The following SULT1B1 variants were observed in gnomAD, a reference collection of about 807,000 sequenced individuals.
SULT1B1 encodes the protein sulfotransferase 1B1.
In SULT1B1, 28 loss-of-function variants were observed where a neutral mutation model predicts 34.6. The observed-to-expected ratio is 0.81, with a 90% CI of 0.60 to 1.11. The LOEUF (loss-of-function observed/expected upper bound fraction) is 1.11, where lower values mean the gene tolerates loss of function less well. Among genes scored for constraint, SULT1B1 ranks in the 50% least tolerant of loss-of-function variants. The pLI, the probability that SULT1B1 is intolerant of heterozygous loss-of-function variation, is 0.00. For synonymous variants in SULT1B1, 147 were observed against 110.2 expected (o/e 1.33, Z -2.09); for missense variants, 374 against 352.2 (o/e 1.06, Z -0.50).
chr4:69,733,854 A>G (rs984667195), intron 5 of SULT1B1, among the ~76,000 whole-genome samples: 2 of 152,186 alleles, frequency 1.3e-5, no homozygotes, highest in Non-Finnish European at 2.9e-5. Context: ...CTAATTGCTT[A>G]AGCAAGTTAA....
intron 3 of SULT1B1, 90 bp downstream of exon 3, chr4:69,754,580 C>A: frequency 7.6e-7 from 1 of 1,319,134 alleles, no homozygotes. Context: ...ACCAAATCTA[C>A]TCCGGTTTCA....
rs1004889895 is a variant in SULT1B1 at position 69,723,287 on chromosome 4, A to C, written c.*3801T>G. The C allele has an allele frequency of 1.3e-5, 2 of 152,192 alleles. No homozygotes were observed. The highest frequency in any genetic ancestry group is 2.9e-5 in the Non-Finnish European group (2 of 68,030). The allele number at this position is 152,192 out of a possible 1,614,324, so 9.4% of individuals were successfully genotyped here. On this transcript the variant is annotated 3_prime_UTR_variant, in exon 8 of 8. Transcript: ENST00000310613. ...CTAGAAAATCTAGAAGAAATGGATA[A>C]ATTCCTCGACACATACACCCTCCCA... is the stretch of plus-strand genomic sequence containing the variant.
Position 69,724,648 on chromosome 4 carries a change from A to G in SULT1B1, c.*2440T>C, listed in dbSNP as rs1717752333. 3.3e-5 allele frequency: 5 copies of G among 152,338 alleles called. No individual in the cohort carries two copies. The South Asian group carries it at 1.0e-3, about 32-fold the overall frequency. The allele number at this position is 152,338 out of a possible 1,614,324, so 9.4% of individuals were successfully genotyped here. On this transcript the variant is annotated 3_prime_UTR_variant, in exon 8 of 8. Transcript: ENST00000310613. The stretch of plus-strand genomic sequence containing the variant: ...ACTACAAGGCTACAGTAACCAAAAC[A>G]GCATGGTACTGGACCAAAACAGAGA...
In SULT1B1 at chr4:69,723,667, C is replaced by G. The variant is rs1206485445; in HGVS notation, c.*3421G>C. ...CCGAATCCAGCAGCACATCAAAAAG[C>G]TTATCCACCATGATCAAGTGGGCTT... On this transcript the variant is annotated 3_prime_UTR_variant, in exon 8 of 8. Transcript: ENST00000310613. The G allele has an allele frequency of 6.6e-6, 1 of 152,160 alleles. No homozygotes were observed. Among genetic ancestry groups the G allele is most frequent in the African/African-American group, 2.4e-5 (1 of 41,440 alleles). The allele number at this position is 152,160 out of a possible 1,614,324, so 9.4% of individuals were successfully genotyped here.
In SULT1B1 at chr4:69,725,383, A is replaced by G. The variant is rs1473038254; in HGVS notation, c.*1705T>C. The G allele has an allele frequency of 8.5e-5, 13 of 152,078 alleles. 1 individual carries two copies. The South Asian group carries it at 1.7e-3, about 19-fold the overall frequency. The allele number at this position is 152,078 out of a possible 1,614,324, so 9.4% of individuals were successfully genotyped here. On this transcript the variant is annotated 3_prime_UTR_variant, in exon 8 of 8. Coordinates refer to ENST00000310613, the MANE Select transcript of SULT1B1 (RefSeq NM_014465.4). ...AAGTCAGGAAACAACAGGTGCTGGAAAGGATGTGGAGAAATAGGAACACTT... is the reference window on the plus strand; with the variant it reads ...AAGTCAGGAAACAACAGGTGCTGGAGAGGATGTGGAGAAATAGGAACACTT...
intron 4 of SULT1B1, among the ~76,000 whole-genome samples, chr4:69,740,770 T>C (rs1718515222): frequency 6.6e-6 from 1 of 152,244 alleles, no homozygotes; most frequent in Non-Finnish European, 1.5e-5. Flanking sequence ...TGCCAGTTTT[T>C]AATTGGGTTG....
At chr4:69,727,501 T>A (rs1278398975) in intron 7 of SULT1B1, among the ~76,000 whole-genome samples, 5 of 152,048 alleles carry the variant, frequency 3.3e-5, no homozygotes, top group Admixed American at 6.6e-5. Flanking sequence ...CCAAGAGTGA[T>A]AATTTTACTG....
intron 4 of SULT1B1, among the ~76,000 whole-genome samples, chr4:69,747,937 A>G (rs1336014547): frequency 1.3e-5 from 2 of 151,908 alleles, no homozygotes; most frequent in East Asian, 3.9e-4. Flanking sequence ...CTTTTATCCA[A>G]AGATTTTTTT....
intron 1 of SULT1B1, chr4:69,758,583 G>T: frequency 1.7e-6 from 1 of 578,488 alleles, no homozygotes; most frequent in Non-Finnish European, 2.2e-6. Flanking sequence ...ATCGGCTCCA[G>T]AATGTAATGT....
intron 1 of SULT1B1, chr4:69,758,310 T>G (rs1341722399): frequency 3.0e-6 from 3 of 985,314 alleles, no homozygotes; most frequent in Non-Finnish European, 3.6e-6. Context: ...TCACCCAGAA[T>G]CTTTTGATAT....
chr4:69,735,121 T>G (rs1416975425), intron 4 of SULT1B1, among the ~76,000 whole-genome samples: 2 of 152,144 alleles, frequency 1.3e-5, no homozygotes, highest in Non-Finnish European at 2.9e-5. Flanking sequence ...CCCGGCCTTT[T>G]GTATTCTTAA....
In SULT1B1 at chr4:69,735,912, C is replaced by G. The variant is rs148807644; in HGVS notation, c.376-1648G>C. Among the ~76,000 whole-genome samples the G allele has an allele frequency of 1.6e-3, 251 of 152,226 alleles. 1 individual carries two copies. The highest frequency in any genetic ancestry group is 5.5e-3 in the African/African-American group (229 of 41,542). On this transcript the variant is annotated intron_variant, in intron 4 of 7. Transcript: ENST00000310613. ...AAAATCAGGTGAGCACTCACAGTAC[C>G]TAGTTTTAACTTCATATCACTAAAA...
Position 69,724,864 on chromosome 4 carries a change from A to G in SULT1B1, c.*2224T>C, listed in dbSNP as rs1380992956. The G allele has an allele frequency of 1.3e-5, 2 of 152,214 alleles. No individual in the cohort carries two copies. The allele number at this position is 152,214 out of a possible 1,614,324, so 9.4% of individuals were successfully genotyped here. On this transcript the variant is annotated 3_prime_UTR_variant, in exon 8 of 8. Transcript: ENST00000310613. Reference sequence around the variant, plus strand: ...TCCCTTCCTTACACCTTATACAAAAATTAATTCAAGATGGATTAAAGACTT... The same window carrying G: ...TCCCTTCCTTACACCTTATACAAAAGTTAATTCAAGATGGATTAAAGACTT...
chr4:69,754,312 T>C (rs1719102051), intron 3 of SULT1B1, among the ~76,000 whole-genome samples: 1 of 152,180 alleles, frequency 6.6e-6, no homozygotes, highest in Non-Finnish European at 1.5e-5. Flanking sequence ...TATTAGTGAA[T>C]TTTATGTTTT....
intron 4 of SULT1B1, among the ~76,000 whole-genome samples, chr4:69,744,601 A>G (rs1181417356): frequency 6.6e-6 from 1 of 151,984 alleles, no homozygotes; most frequent in Non-Finnish European, 1.5e-5. Flanking sequence ...GCTTGTGTTT[A>G]TTTGGATCTT....
intron 4 of SULT1B1, among the ~76,000 whole-genome samples, chr4:69,734,547 C>T (rs773803734): frequency 6.6e-6 from 1 of 152,082 alleles, no homozygotes; most frequent in East Asian, 1.9e-4. Flanking sequence ...ACCACTGTGG[C>T]TTCTGGAAGA....
chr4:69,737,335 T>C (rs1718358158), intron 4 of SULT1B1, among the ~76,000 whole-genome samples: 1 of 151,996 alleles, frequency 6.6e-6, no homozygotes, highest in South Asian at 2.1e-4. Flanking sequence ...ACCTATCTTA[T>C]GAAATAGCTA....
At chr4:69,729,359 G>C (rs1447485404) in intron 7 of SULT1B1, among the ~76,000 whole-genome samples, 1 of 151,984 alleles carries the variant, frequency 6.6e-6, no homozygotes, top group Non-Finnish European at 1.5e-5. Flanking sequence ...GCAGGTTCTA[G>C]TATATTCAGA....
chr4:69,750,588 T>C (rs753101656), intron 3 of SULT1B1, among the ~76,000 whole-genome samples: 1 of 152,178 alleles, frequency 6.6e-6, no homozygotes, highest in Non-Finnish European at 1.5e-5. Flanking sequence ...CACACAAAAT[T>C]GCATCTGACT....
Sources: gnomAD v4.1 joint callset for allele counts (sites outside exome capture counted in the v4.1 genomes callset) on GRCh38, gnomAD v4.1.1 for gene constraint, MANE v1.5 for transcripts, NCBI Gene and HGNC (gene_info 2026-07-23, HGNC 2026-07-21) for gene names.